The following LRRCC1 variants were observed in gnomAD, a reference collection of about 807,000 sequenced individuals.
LRRCC1 encodes the protein leucine rich repeat and coiled-coil centrosomal protein 1.
A neutral mutation model predicts 126.0 loss-of-function variants in LRRCC1; 115 were observed. That is an observed-to-expected ratio of 0.91 (90% CI 0.78 to 1.07). The LOEUF (loss-of-function observed/expected upper bound fraction) is 1.07. Among genes scored for constraint, LRRCC1 ranks in the 50% least tolerant of loss-of-function variants. The probability of loss-of-function intolerance (pLI) is 0.00; values close to 1 mark genes in which losing one functional copy is unlikely to be tolerated. For missense variants in LRRCC1, 1,172 were observed against 1,175.7 expected (o/e 1.00, Z 0.05); for synonymous variants, 400 against 393.4 (o/e 1.02, Z -0.20).
At position 85,131,883 on chromosome 8, in the gene LRRCC1, C is replaced by T. The variant is rs745393978; in HGVS notation, c.1890C>T (p.Asp630=). 8 of 1,613,600 alleles carry T rather than the reference C, an allele frequency of 5.0e-6. No individual in the cohort carries two copies. Among genetic ancestry groups the T allele is most frequent in the Admixed American group, 3.3e-5 (2 of 59,988 alleles). The change falls in exon 12 of 19, where the codon GAC becomes GAT. Residue 630 remains aspartate (D), a synonymous_variant. Transcript: ENST00000360375. The stretch of plus-strand genomic sequence containing the variant: ...TAAAAGAATACCAAGAGAAAATTGA[C>T]GTGTTAAGCCAGCAGTATATGGATT... The part of the protein sequence containing the change: ...QMIKEYQEKI[D]VLSQQYMDLE...
chr8:85,107,569 GC>G, intron 1 of LRRCC1, 170 bp downstream of exon 1: 1 of 552,936 alleles, frequency 1.8e-6, no homozygotes, highest in Non-Finnish European at 3.1e-6. Context: ...CTGCCGAAGT[GC>G]CAGGTTGAAT....
At chr8:85,136,019 C>G (rs1360076603) in intron 14 of LRRCC1, 56 bp downstream of exon 14, 1 of 1,393,126 alleles carries the variant, frequency 7.2e-7, no homozygotes, top group African/African-American at 1.5e-5. Flanking sequence ...ATGAGCAAAT[C>G]TGGGTATTGG....
At chr8:85,124,558 T>C (rs1311215668) in intron 7 of LRRCC1, among the ~76,000 whole-genome samples, 1 of 152,178 alleles carries the variant, frequency 6.6e-6, no homozygotes, top group Admixed American at 6.5e-5. Flanking sequence ...TACCTGAAAA[T>C]GTTGAACCCT....
At position 85,135,852 on chromosome 8, in the gene LRRCC1, C is replaced by G. The variant is rs1810818740; in HGVS notation, c.2218C>G (p.Leu740Val). ...DDKQKSIQIE[L>V]LKHEKVQLIS... ...CAAGCAGAAGAGTATTCAAATAGAA[C>G]TTCTCAAGCACGAAAAAGTCCAGCT... is the stretch of plus-strand genomic sequence containing the variant. The change falls in exon 14 of 19, where the codon CTT (leucine) becomes GTT (valine). Residue 740 changes from leucine (L) to valine (V), a missense_variant. Coordinates refer to ENST00000360375, the MANE Select transcript of LRRCC1 (RefSeq NM_033402.5). 1 of 1,603,734 alleles carries G rather than the reference C, an allele frequency of 6.2e-7. No individual in the cohort carries two copies. Among genetic ancestry groups the G allele is most frequent in the Non-Finnish European group, 8.5e-7 (1 of 1,174,692 alleles).
chr8:85,126,986 CA>C (rs755415982), intron 9 of LRRCC1, 149 bp downstream of exon 9: 9 of 641,352 alleles, frequency 1.4e-5, no homozygotes, highest in African/African-American at 3.7e-5. Context: ...GACAATTTAG[CA>C]CTTTATTAGC....
Position 85,133,242 on chromosome 8 carries a change from T to C in LRRCC1, c.1968+1281T>C, listed in dbSNP as rs991038830. On this transcript the variant is annotated intron_variant, in intron 12 of 18. Transcript: ENST00000360375. Reference sequence around the variant, plus strand: ...TAGGTGCAGGATTAGACAGGGTTGATAGCTTTCTCCTCTTCCATACTCTTT... The same window carrying C: ...TAGGTGCAGGATTAGACAGGGTTGACAGCTTTCTCCTCTTCCATACTCTTT... Among the ~76,000 whole-genome samples the C allele has an allele frequency of 2.0e-5, 3 of 152,196 alleles. No individual in the cohort carries two copies. The East Asian group carries it at 5.8e-4, about 29-fold the overall frequency.
intron 6 of LRRCC1, among the ~76,000 whole-genome samples, chr8:85,116,434 C>T (rs960970722): frequency 2.0e-5 from 3 of 151,926 alleles, no homozygotes; most frequent in Non-Finnish European, 4.4e-5. Flanking sequence ...AGTATGGTGG[C>T]ATGAACATAG....
chr8:85,125,613 C>T (rs1477851551), intron 8 of LRRCC1, among the ~76,000 whole-genome samples: 1 of 129,182 alleles, frequency 7.7e-6, no homozygotes, highest in Non-Finnish European at 1.6e-5. Context: ...GCGGAGCTTG[C>T]AGTGAGCCGA....
intron 4 of LRRCC1, among the ~76,000 whole-genome samples, chr8:85,113,917 A>G (rs915604527): frequency 6.6e-6 from 1 of 152,122 alleles, no homozygotes; most frequent in East Asian, 1.9e-4. Context: ...AATGTGTAGA[A>G]TGTGAATATA....
At chr8:85,145,298 A>G in intron 18 of LRRCC1, 91 bp from the exon 19 acceptor site, 1 of 986,118 alleles carries the variant, frequency 1.0e-6, no homozygotes, top group South Asian at 2.0e-5. Flanking sequence ...AAAATGTGTA[A>G]GAATAAATTT....
At chr8:85,109,505 A>G (rs1808523970) in intron 1 of LRRCC1, 90 bp from the exon 2 acceptor site, 1 of 690,836 alleles carries the variant, frequency 1.4e-6, no homozygotes, top group African/African-American at 1.8e-5. Flanking sequence ...AATAGAGCAC[A>G]TATTTAGTAT....
intron 11 of LRRCC1, among the ~76,000 whole-genome samples, chr8:85,130,693 C>A (rs1178211335): frequency 6.6e-6 from 1 of 152,034 alleles, no homozygotes; most frequent in East Asian, 1.9e-4. Context: ...TTTAATTGAC[C>A]CCCAAGTTAA....
At chr8:85,119,420 G>C (rs1809355712) in intron 6 of LRRCC1, among the ~76,000 whole-genome samples, 1 of 149,934 alleles carries the variant, frequency 6.7e-6, no homozygotes, top group Admixed American at 6.7e-5. Flanking sequence ...ATTAATATTT[G>C]TTTTCTGTGT....
At chr8:85,122,205 C>T (rs543324080) in intron 6 of LRRCC1, among the ~76,000 whole-genome samples, 48 of 152,118 alleles carry the variant, frequency 3.2e-4, no homozygotes, top group Non-Finnish European at 6.5e-4. Flanking sequence ...TCTTTGTTTA[C>T]AGCAGTTTGA....
chr8:85,123,402 T>C lies in LRRCC1; in HGVS notation c.931-11T>C, dbSNP rs747090307. ...ACTTTTAACAAATTTTGTTGGCTTTTTAAATTTTAGACTTCTAATTCAATA... is the reference window on the plus strand; with the variant it reads ...ACTTTTAACAAATTTTGTTGGCTTTCTAAATTTTAGACTTCTAATTCAATA... On this transcript the variant is annotated splice_polypyrimidine_tract_variant and intron_variant, in intron 6 of 18. Coordinates refer to ENST00000360375, the MANE Select transcript of LRRCC1 (RefSeq NM_033402.5). 25 of 1,563,176 alleles carry C rather than the reference T, an allele frequency of 1.6e-5. No homozygotes were observed. Among genetic ancestry groups the C allele is most frequent in the Non-Finnish European group, 2.1e-5 (24 of 1,160,740 alleles).
chr8:85,124,827 A>G lies in LRRCC1; in HGVS notation c.1160A>G (p.Glu387Gly). The G allele has an allele frequency of 6.3e-7, 1 of 1,583,256 alleles. No individual in the cohort carries two copies. Among genetic ancestry groups the G allele is most frequent in the Non-Finnish European group, 8.6e-7 (1 of 1,161,610 alleles). ...NRKMKPPYLK[E>G]LYVSSSLANC... ...AAAATGAAACCACCTTACCTTAAAGAATTATATGTAAGCTCATCTTTAGCA... is the reference window on the plus strand; with the variant it reads ...AAAATGAAACCACCTTACCTTAAAGGATTATATGTAAGCTCATCTTTAGCA... The change falls in exon 8 of 19, where the codon GAA becomes GGA. Residue 387 changes from glutamate (E) to glycine (G), a missense_variant. Coordinates refer to ENST00000360375, the MANE Select transcript of LRRCC1 (RefSeq NM_033402.5).
intron 6 of LRRCC1, among the ~76,000 whole-genome samples, chr8:85,118,472 A>T (rs1809283109): frequency 6.6e-6 from 1 of 151,990 alleles, no homozygotes; most frequent in Non-Finnish European, 1.5e-5. Context: ...CAAAGTGGTT[A>T]TTCTATTTTA....
At chr8:85,142,595 C>T (rs984642602) in intron 18 of LRRCC1, among the ~76,000 whole-genome samples, 6 of 151,960 alleles carry the variant, frequency 3.9e-5, no homozygotes, top group African/African-American at 1.4e-4. Context: ...CAGCGGAGGC[C>T]GAGGCTGGTG....
rs1052556790 is a variant in LRRCC1 at position 85,138,207 on chromosome 8, A to C, written c.2666A>C (p.Lys889Thr). ...AAACTAAAACAACAGTTGAAAGGAA[A>C]GGAAGTAGAACTTGAAGAAATCAGA... is the stretch of plus-strand genomic sequence containing the variant. Reference protein sequence around the residue: ...KEKLKQQLKGKEVELEEIRKA... With the variant: ...KEKLKQQLKGTEVELEEIRKA... The change falls in exon 16 of 19, where the codon AAG becomes ACG. Residue 889 changes from lysine (K) to threonine (T), a missense_variant. Coordinates refer to ENST00000360375, the MANE Select transcript of LRRCC1 (RefSeq NM_033402.5). The C allele has an allele frequency of 6.2e-7, 1 of 1,611,512 alleles. No homozygotes were observed. Among genetic ancestry groups the C allele is most frequent in the African/African-American group, 1.3e-5 (1 of 74,756 alleles).
Sources: allele counts gnomAD v4.1 joint callset (sites outside exome capture counted in the v4.1 genomes callset), GRCh38; gene constraint gnomAD v4.1.1; transcripts MANE v1.5; gene names NCBI Gene and HGNC (gene_info 2026-07-23, HGNC 2026-07-21).